Variants in INTS15 observed in about 807,000 individuals in gnomAD.
The protein encoded by INTS15 is integrator complex subunit 15.
the INTS15 span, chr7:6,602,607 C>T: frequency 8.7e-6 from 4 of 458,536 alleles, no homozygotes; most frequent in South Asian, 6.3e-5. Context: ...TGACCTGTCT[C>T]TATGCCTCAG....
At chr7:6,592,348 C>T in the INTS15 span, among the ~76,000 whole-genome samples, 2 of 152,018 alleles carry the variant, frequency 1.3e-5, no homozygotes, top group African/African-American at 4.8e-5. Context: ...GGGCAGATCA[C>T]TTGAGGTCAG....
At chr7:6,600,989 A>C in the INTS15 span, among the ~76,000 whole-genome samples, 2 of 151,966 alleles carry the variant, frequency 1.3e-5, no homozygotes, top group Non-Finnish European at 2.9e-5. Context: ...TTTATGAGAC[A>C]GGGTTTCTCA....
At chr7:6,601,953 G>A in the INTS15 span, 32 of 719,134 alleles carry the variant, frequency 4.4e-5, no homozygotes, top group East Asian at 1.2e-4. Flanking sequence ...CACTGCGCCC[G>A]GCTAGAACTC....
chr7:6,600,332 T>G, the INTS15 span: 1 of 1,613,208 alleles, frequency 6.2e-7, no homozygotes, highest in African/African-American at 1.3e-5. Flanking sequence ...GGCCATGGCC[T>G]CAGGAGCTCT....
the INTS15 span, chr7:6,600,430 G>C: frequency 1.4e-6 from 2 of 1,421,674 alleles, no homozygotes; most frequent in Non-Finnish European, 1.9e-6. Context: ...GGGGCTCCTG[G>C]ACAGACACTG....
chr7:6,599,557 TC>T, the INTS15 span, among the ~76,000 whole-genome samples: 1 of 152,182 alleles, frequency 6.6e-6, no homozygotes, highest in Admixed American at 6.6e-5. Context: ...ATGTTGGAGT[TC>T]CAGGGAATTG....
chr7:6,593,264 G>A, the INTS15 span, among the ~76,000 whole-genome samples: 1 of 151,550 alleles, frequency 6.6e-6, no homozygotes, highest in African/African-American at 2.4e-5. Flanking sequence ...GAATAAGCGC[G>A]ATCACGTCTC....
chr7:6,608,045 C>T, the INTS15 span: 2 of 1,599,518 alleles, frequency 1.3e-6, no homozygotes, highest in African/African-American at 1.3e-5. Context: ...CATCCACACG[C>T]CCCCGCTGGG....
the INTS15 span, among the ~76,000 whole-genome samples, chr7:6,606,623 A>T: frequency 6.6e-6 from 1 of 150,436 alleles, no homozygotes; most frequent in African/African-American, 2.4e-5. Context: ...GAAGCTTCCG[A>T]TGGGGGAAGC....
chr7:6,606,015 GAC>G, the INTS15 span, among the ~76,000 whole-genome samples: 1 of 152,094 alleles, frequency 6.6e-6, no homozygotes, highest in Non-Finnish European at 1.5e-5. Context: ...TTAGATTTGT[GAC>G]AGTCTCTGTG....
chr7:6,595,655 C>T, the INTS15 span, among the ~76,000 whole-genome samples: 5,202 of 152,268 alleles, frequency 0.034, 105 homozygotes, highest in Middle Eastern at 0.051. Flanking sequence ...GACTTGATTT[C>T]TTATCATCCC....
the INTS15 span, chr7:6,591,979 C>T: frequency 2.2e-6 from 2 of 894,806 alleles, no homozygotes; most frequent in South Asian, 1.6e-5. Flanking sequence ...CAAGACCAGC[C>T]TGACCAACAT....
At chr7:6,605,488 G>A in the INTS15 span, among the ~76,000 whole-genome samples, 2 of 152,076 alleles carry the variant, frequency 1.3e-5, no homozygotes, top group Non-Finnish European at 2.9e-5. Flanking sequence ...TGTATCATCC[G>A]AGTCTTATAA....
chr7:6,607,039 C>T, the INTS15 span, among the ~76,000 whole-genome samples: 7 of 151,808 alleles, frequency 4.6e-5, no homozygotes, highest in African/African-American at 9.7e-5. This position sits in a 1 kb window ranked among gnomAD's most constrained non-coding sequence, Gnocchi z 6.0. Context: ...GGGAGTTGGT[C>T]GTTTCCGGCT....
At chr7:6,605,598 C>T in the INTS15 span, among the ~76,000 whole-genome samples, 3 of 152,112 alleles carry the variant, frequency 2.0e-5, no homozygotes, top group African/African-American at 4.8e-5. Context: ...AGCTGGTGGC[C>T]GCCTCTCCTG....
chr7:6,600,292 G>T, the INTS15 span: 4 of 1,614,110 alleles, frequency 2.5e-6, no homozygotes, highest in Non-Finnish European at 3.4e-6. Flanking sequence ...TTGAGCTCTC[G>T]CTGGACCGGC....
chr7:6,608,061 G>A, the INTS15 span: 7 of 1,598,174 alleles, frequency 4.4e-6, no homozygotes, highest in Non-Finnish European at 5.9e-6. Context: ...CTGGGCTACG[G>A]GGCTGTCCCG....
the INTS15 span, among the ~76,000 whole-genome samples, chr7:6,599,393 C>T: frequency 6.6e-6 from 1 of 151,928 alleles, no homozygotes; most frequent in African/African-American, 2.4e-5. Flanking sequence ...TGAGCTGCTC[C>T]CTGAAGGCCA....
chr7:6,599,885 G>C, the INTS15 span: 1 of 1,614,122 alleles, frequency 6.2e-7, no homozygotes, highest in Non-Finnish European at 8.5e-7. Flanking sequence ...GATTTTTGAG[G>C]ACCCAAGGTT....
Sources: allele counts gnomAD v4.1 joint callset (sites outside exome capture counted in the v4.1 genomes callset), GRCh38; gene constraint gnomAD v4.1.1; non-coding constraint Gnocchi (gnomAD v3.1); transcripts MANE v1.5; gene names NCBI Gene and HGNC (gene_info 2026-07-23, HGNC 2026-07-21).